ST3GAL2: variants seen among roughly 807,000 people sequenced by gnomAD.
ST3GAL2 encodes the protein ST3 beta-galactoside alpha-2,3-sialyltransferase 2.
In ST3GAL2, 16 loss-of-function variants were observed where a neutral mutation model predicts 37.5. That is an observed-to-expected ratio of 0.43 (90% CI 0.29 to 0.65). The LOEUF (loss-of-function observed/expected upper bound fraction) is 0.65. Among genes scored for constraint, ST3GAL2 ranks in the 30% least tolerant of loss-of-function variants. The probability of loss-of-function intolerance (pLI) is 0.17; values close to 1 mark genes in which losing one functional copy is unlikely to be tolerated. For missense variants in ST3GAL2, 383 were observed against 487.8 expected, an observed-to-expected ratio of 0.79 and a Z score of 2.02; for synonymous variants, 238 against 202.9, an observed-to-expected ratio of 1.17 and a Z score of -1.47.
At position 70,399,214 on chromosome 16, in the gene ST3GAL2, C is replaced by G; in HGVS notation, c.-684G>C. 1 of 398,876 alleles carries G rather than the reference C, an allele frequency of 2.5e-6. No individual in the cohort carries two copies. The highest frequency in any genetic ancestry group is 4.4e-6 in the Non-Finnish European group (1 of 226,248). 24.7% of individuals were successfully genotyped at this position (398,876 alleles called of 1,614,324 possible). A position where few individuals can be genotyped will look rare whatever the true frequency, so the allele number is the denominator to read the frequency against. On this transcript the variant is annotated 5_prime_UTR_variant, in exon 2 of 7. Coordinates refer to ENST00000342907, the MANE Select transcript of ST3GAL2 (RefSeq NM_006927.4). The stretch of plus-strand genomic sequence containing the variant: ...TAGGTCTTGCCCTTCTGCTTCCCAT[C>G]TGAGGTGCTGGTCCCTTCTCCTGGT...
chr16:70,426,033 G>C (rs1425264809), intron 1 of ST3GAL2, among the ~76,000 whole-genome samples: 1 of 152,152 alleles, frequency 6.6e-6, no homozygotes, highest in Non-Finnish European at 1.5e-5. Context: ...CAGCAGGGGA[G>C]GGTGCCATGC....
intron 2 of ST3GAL2, among the ~76,000 whole-genome samples, chr16:70,395,852 G>T (rs1196004900): frequency 1.3e-5 from 2 of 152,230 alleles, no homozygotes; most frequent in Admixed American, 1.3e-4. Flanking sequence ...CCGGCAAAGA[G>T]AGGCAACTTC....
At chr16:70,393,051 T>C (rs886829693) in intron 3 of ST3GAL2, among the ~76,000 whole-genome samples, 9 of 151,756 alleles carry the variant, frequency 5.9e-5, no homozygotes, top group African/African-American at 2.2e-4. Flanking sequence ...ACCACCCCCC[T>C]TCCTTACCTG....
At chr16:70,382,985 T>C (rs560503100) in intron 5 of ST3GAL2, 61 bp from the exon 6 acceptor site, 2 of 1,596,362 alleles carry the variant, frequency 1.3e-6, no homozygotes, top group South Asian at 1.1e-5. Context: ...CAGGCTAGAC[T>C]GAGCAGCTTC....
rs970875208 is a variant in ST3GAL2 at position 70,378,183 on chromosome 16, G to T, written c.*3506C>A. The T allele has an allele frequency of 1.3e-5, 2 of 152,012 alleles. No homozygotes were observed. The highest frequency in any genetic ancestry group is 2.9e-5 in the Non-Finnish European group (2 of 68,026). The allele number at this position is 152,012 out of a possible 1,614,324, so 9.4% of individuals were successfully genotyped here. The stretch of plus-strand genomic sequence containing the variant: ...GTGGTCAAACATTGGGAGGCCAAAG[G>T]GGGTGGATGACCTGTGGTCAGGAGT... On this transcript the variant is annotated 3_prime_UTR_variant, in exon 7 of 7. Transcript: ENST00000342907.
intron 3 of ST3GAL2, among the ~76,000 whole-genome samples, chr16:70,391,678 T>C (rs1019011608): frequency 2.0e-5 from 3 of 152,182 alleles, no homozygotes; most frequent in Admixed American, 6.5e-5. Flanking sequence ...GCCCAGGGTA[T>C]GGCAGGGGTA....
intron 1 of ST3GAL2, among the ~76,000 whole-genome samples, chr16:70,432,760 C>G (rs746267697): frequency 6.6e-6 from 1 of 152,196 alleles, no homozygotes; most frequent in Non-Finnish European, 1.5e-5. Context: ...AAGGAAAACT[C>G]GGTCTCAGAA....
At chr16:70,412,354 C>T (rs2047645207) in intron 1 of ST3GAL2, among the ~76,000 whole-genome samples, 1 of 152,168 alleles carries the variant, frequency 6.6e-6, no homozygotes. Context: ...TTTTAACTCT[C>T]TTGGTCTGGT....
intron 1 of ST3GAL2, among the ~76,000 whole-genome samples, chr16:70,436,288 T>A (rs1220692086): frequency 6.6e-6 from 1 of 150,438 alleles, no homozygotes; most frequent in Non-Finnish European, 1.5e-5. Flanking sequence ...AGTAGCGGGG[T>A]GTCGTGGCGT....
intron 3 of ST3GAL2, among the ~76,000 whole-genome samples, chr16:70,392,817 CT>C (rs2047490766): frequency 6.6e-6 from 1 of 152,148 alleles, no homozygotes; most frequent in African/African-American, 2.4e-5. Flanking sequence ...TAGGGTCTTG[CT>C]CTGTTGCCCA....
intron 1 of ST3GAL2, among the ~76,000 whole-genome samples, chr16:70,419,743 G>A (rs937051665): frequency 1.3e-5 from 2 of 152,184 alleles, no homozygotes; most frequent in Non-Finnish European, 2.9e-5. Context: ...AAAGGTACAG[G>A]TGAAAACATG....
At chr16:70,415,941 A>G (rs1173258570) in intron 1 of ST3GAL2, among the ~76,000 whole-genome samples, 11 of 148,518 alleles carry the variant, frequency 7.4e-5, no homozygotes, top group Non-Finnish European at 1.5e-4. Flanking sequence ...ACGCCCAGCT[A>G]ATTTTTGTAT....
intron 1 of ST3GAL2, among the ~76,000 whole-genome samples, chr16:70,415,322 T>C (rs2047668628): frequency 6.6e-6 from 1 of 152,236 alleles, no homozygotes; most frequent in Non-Finnish European, 1.5e-5. Context: ...GCTGCATTCC[T>C]GAACCCTTAT....
At chr16:70,389,915 T>C (rs1046514534) in intron 3 of ST3GAL2, among the ~76,000 whole-genome samples, 4 of 152,042 alleles carry the variant, frequency 2.6e-5, no homozygotes, top group African/African-American at 9.7e-5. Flanking sequence ...GCCTCCCAAG[T>C]AGCTGGGACT....
At chr16:70,423,822 G>A (rs1354794665) in intron 1 of ST3GAL2, among the ~76,000 whole-genome samples, 1 of 151,648 alleles carries the variant, frequency 6.6e-6, no homozygotes. Context: ...TGTAATCCCA[G>A]CACTTTAGGA....
rs1173306093 is a variant in ST3GAL2, at chr16:70,429,588, C to CAAAAAAAAAA, written c.-1004+9351_-1004+9360dup. On this transcript the variant is annotated intron_variant, in intron 1 of 6. Transcript: ENST00000342907. ...TGGGCAACAGAGCAAGACTCTGTCT[C>CAAAAAAAAAA]AAAAAAAAAAAAAAAAAAAAGAGTG... Among the ~76,000 whole-genome samples the CAAAAAAAAAA allele has an allele frequency of 1.0e-3, 36 of 36,062 alleles. 1 individual carries two copies. Among genetic ancestry groups the CAAAAAAAAAA allele is most frequent in the African/African-American group, 3.3e-3 (34 of 10,404 alleles). The allele number at this position is 36,062 out of a possible 152,430, so 23.7% of individuals were successfully genotyped here. A position where few individuals can be genotyped will look rare whatever the true frequency, so the allele number is the denominator to read the frequency against.
Position 70,379,495 on chromosome 16 carries a change from A to C in ST3GAL2, c.*2194T>G, listed in dbSNP as rs1461169056. On this transcript the variant is annotated 3_prime_UTR_variant, in exon 7 of 7. Coordinates refer to ENST00000342907, the MANE Select transcript of ST3GAL2 (RefSeq NM_006927.4). The stretch of plus-strand genomic sequence containing the variant: ...TCTTCCATCATGCCCATTTCAGAAC[A>C]ATGAAGGACTAGACAGTTTTTTGTT... 1.3e-5 allele frequency: 2 copies of C among 152,182 alleles called. No individual in the cohort carries two copies. Among genetic ancestry groups the C allele is most frequent in the African/African-American group, 4.8e-5 (2 of 41,422 alleles). 9.4% of individuals were successfully genotyped at this position (152,182 alleles called of 1,614,324 possible). A position where few individuals can be genotyped will look rare whatever the true frequency, so the allele number is the denominator to read the frequency against.
intron 1 of ST3GAL2, among the ~76,000 whole-genome samples, chr16:70,422,211 C>T (rs891051954): frequency 3.9e-5 from 6 of 152,132 alleles, no homozygotes; most frequent in East Asian, 1.9e-4. Context: ...AAAATGAGCA[C>T]GATAATGCCT....
chr16:70,392,984 C>T (rs372226146), intron 3 of ST3GAL2, among the ~76,000 whole-genome samples: 7 of 152,232 alleles, frequency 4.6e-5, no homozygotes, highest in Middle Eastern at 3.4e-3. Context: ...GACCAGCAGA[C>T]GGCCAATTAC....
Sources: gnomAD v4.1 joint callset for allele counts (sites outside exome capture counted in the v4.1 genomes callset) on GRCh38, gnomAD v4.1.1 for gene constraint, MANE v1.5 for transcripts, NCBI Gene and HGNC (gene_info 2026-07-23, HGNC 2026-07-21) for gene names.